Variants in PRKD1 observed in about 807,000 individuals in gnomAD.
The protein encoded by PRKD1 is serine/threonine-protein kinase D1.
Under a neutral mutation model 95.9 loss-of-function variants are expected in PRKD1, and 63 were observed. That is an observed-to-expected ratio of 0.66 (90% CI 0.54 to 0.81). PRKD1 has a LOEUF of 0.81. Among genes scored for constraint, PRKD1 ranks in the 30% least tolerant of loss-of-function variants. The pLI is 0.00. For synonymous variants in PRKD1, 425 were observed against 423.1 expected, an observed-to-expected ratio of 1.00 and a Z score of -0.05; for missense variants, 1,048 against 1,165.3, an observed-to-expected ratio of 0.90 and a Z score of 1.47.
chr14:29,927,364 G>C lies in PRKD1; in HGVS notation c.149C>G (p.Ser50Trp), dbSNP rs777232677. The change falls in exon 1 of 18, where the codon TCG becomes TGG. Residue 50 changes from serine (S) to tryptophan (W), a missense_variant. By Grantham distance (177) the Ser-to-Trp change is radical. Coordinates refer to ENST00000331968, the MANE Select transcript of PRKD1 (RefSeq NM_002742.3). ...GCTCAGGCCGATCTGCAGATGGAACGAGATGCCCCCGACCGGGGCCGCGAC... is the reference window on the plus strand; with the variant it reads ...GCTCAGGCCGATCTGCAGATGGAACCAGATGCCCCCGACCGGGGCCGCGAC... ...APVAAPVGGI[S>W]FHLQIGLSRE... The C allele has an allele frequency of 7.0e-6, 11 of 1,564,054 alleles. No homozygotes were observed. In the African/African-American group the frequency reaches 9.8e-5, roughly 14 times the overall value.
chr14:29,623,816 CATAAAGGCATGTTT>C (rs1246169530), intron 13 of PRKD1, among the ~76,000 whole-genome samples: 48 of 152,186 alleles, frequency 3.2e-4, no homozygotes, highest in Non-Finnish European at 4.7e-4. Context: ...ATTATCACAG[CATAAAGGCATGTTT>C]ATGAAGGCAA....
intron 1 of PRKD1, among the ~76,000 whole-genome samples, chr14:29,900,591 A>G (rs1296879042): frequency 6.6e-6 from 1 of 152,232 alleles, no homozygotes; most frequent in Non-Finnish European, 1.5e-5. Flanking sequence ...TATGCATCTG[A>G]CAAAGGTCAA....
chr14:29,709,739 T>C (rs2139352076), intron 2 of PRKD1, among the ~76,000 whole-genome samples: 1 of 152,244 alleles, frequency 6.6e-6, no homozygotes, highest in Non-Finnish European at 1.5e-5. Context: ...ATTTCCCTAG[T>C]CATTCTTTTT....
chr14:29,691,681 G>C (rs1884246530), intron 2 of PRKD1, among the ~76,000 whole-genome samples: 1 of 152,108 alleles, frequency 6.6e-6, no homozygotes, highest in Non-Finnish European at 1.5e-5. Flanking sequence ...AATTACTTTT[G>C]CAACAACCTA....
intron 1 of PRKD1, among the ~76,000 whole-genome samples, chr14:29,791,713 C>T (rs1017286259): frequency 6.6e-6 from 1 of 152,104 alleles, no homozygotes; most frequent in African/African-American, 2.4e-5. Context: ...TTTGTGCATC[C>T]ATCTGTTGAT....
At chr14:29,804,352 C>G (rs1165938454) in intron 1 of PRKD1, among the ~76,000 whole-genome samples, 1 of 152,036 alleles carries the variant, frequency 6.6e-6, no homozygotes, top group Non-Finnish European at 1.5e-5. Flanking sequence ...GTAAATCTAG[C>G]ACTTTTAGTC....
chr14:29,914,150 T>A (rs1378749027), intron 1 of PRKD1, among the ~76,000 whole-genome samples: 1 of 152,210 alleles, frequency 6.6e-6, no homozygotes, highest in Non-Finnish European at 1.5e-5. Context: ...CACACTTACA[T>A]CTACATTTTT....
chr14:29,773,843 T>C (rs1460076553), intron 1 of PRKD1, among the ~76,000 whole-genome samples: 1 of 152,224 alleles, frequency 6.6e-6, no homozygotes, highest in Admixed American at 6.5e-5. Flanking sequence ...TTCTGGACCA[T>C]TTGTTAATAA....
At chr14:29,846,048 T>C (rs969901644) in intron 1 of PRKD1, among the ~76,000 whole-genome samples, 9 of 152,188 alleles carry the variant, frequency 5.9e-5, no homozygotes, top group Admixed American at 1.3e-4. Flanking sequence ...AAATATACTA[T>C]ACATACATGT....
intron 2 of PRKD1, among the ~76,000 whole-genome samples, chr14:29,706,228 T>C (rs573078487): frequency 6.6e-6 from 1 of 152,256 alleles, no homozygotes; most frequent in South Asian, 2.1e-4. Flanking sequence ...TGCTTACTGG[T>C]CATATGTGTA....
At chr14:29,823,383 G>T (rs887840374) in intron 1 of PRKD1, among the ~76,000 whole-genome samples, 1 of 151,814 alleles carries the variant, frequency 6.6e-6, no homozygotes, top group Non-Finnish European at 1.5e-5. Context: ...TTTGTTATTC[G>T]CAGAGCCTAT....
Position 29,645,132 on chromosome 14 carries a change from G to A in PRKD1, c.697-6228C>T, listed in dbSNP as rs185060493. ...CATTCCTTGATTTTATGCTAATATA[G>A]AAAACAGTAAGTATTTTCTTCCTCT... On this transcript the variant is annotated intron_variant, in intron 4 of 17. Transcript: ENST00000331968. 6.6e-5 allele frequency among the ~76,000 whole-genome samples: 10 copies of A among 152,132 alleles called. No homozygotes were observed. In the East Asian group the frequency reaches 1.7e-3, roughly 26 times the overall value.
At chr14:29,715,715 CCT>C (rs914387727) in intron 2 of PRKD1, among the ~76,000 whole-genome samples, 2 of 152,032 alleles carry the variant, frequency 1.3e-5, no homozygotes, top group African/African-American at 4.8e-5. Flanking sequence ...CAAAATAATC[CCT>C]CTTTGAAAGA....
intron 1 of PRKD1, among the ~76,000 whole-genome samples, chr14:29,873,277 G>T (rs904856895): frequency 2.0e-4 from 30 of 152,032 alleles, no homozygotes; most frequent in African/African-American, 6.5e-4. Context: ...AGTAGAGATG[G>T]GGTTTCACCA....
chr14:29,714,810 G>T (rs181507068), intron 2 of PRKD1, among the ~76,000 whole-genome samples: 16 of 152,278 alleles, frequency 1.1e-4, no homozygotes, highest in Admixed American at 9.2e-4. Context: ...CCTTTGCAGG[G>T]ACATGGATGA....
At chr14:29,632,513 A>G (rs371428720) in intron 9 of PRKD1, among the ~76,000 whole-genome samples, 87 of 152,276 alleles carry the variant, frequency 5.7e-4, no homozygotes, top group African/African-American at 2.0e-3. Context: ...GCAGTGTGCT[A>G]GATGCAGTGG....
At chr14:29,580,050 T>G (rs1381546645) in intron 16 of PRKD1, among the ~76,000 whole-genome samples, 1 of 152,186 alleles carries the variant, frequency 6.6e-6, no homozygotes, top group Non-Finnish European at 1.5e-5. Flanking sequence ...AGAGCTTATG[T>G]GCTATTGCAA....
At chr14:29,695,582 G>A (rs1884470819) in intron 2 of PRKD1, among the ~76,000 whole-genome samples, 1 of 152,244 alleles carries the variant, frequency 6.6e-6, no homozygotes, top group Admixed American at 6.5e-5. Context: ...CATTTGCTGA[G>A]ATGGGAAGAG....
intron 1 of PRKD1, among the ~76,000 whole-genome samples, chr14:29,836,838 G>C (rs1456535271): frequency 6.6e-6 from 1 of 152,174 alleles, no homozygotes; most frequent in Non-Finnish European, 1.5e-5. Flanking sequence ...AAAATGCTAA[G>C]AGTGGGAAGG....
Sources: gnomAD v4.1 joint callset for allele counts (sites outside exome capture counted in the v4.1 genomes callset) on GRCh38, gnomAD v4.1.1 for gene constraint, MANE v1.5 for transcripts, NCBI Gene and HGNC (gene_info 2026-07-23, HGNC 2026-07-21) for gene names.